The following CHKA variants were observed in gnomAD, a reference collection of about 807,000 sequenced individuals.
CHKA encodes CHETK-alpha.
CHKA carries 34 observed loss-of-function variants against 60.1 expected under a neutral mutation model. That is an observed-to-expected ratio of 0.57 (90% CI 0.43 to 0.75). CHKA has a LOEUF of 0.75. Among genes scored for constraint, CHKA ranks in the 30% least tolerant of loss-of-function variants. The pLI, the probability that CHKA is intolerant of heterozygous loss-of-function variation, is 0.00. For missense variants in CHKA, 563 were observed against 561.3 expected (o/e 1.00, Z -0.03); for synonymous variants, 217 against 223.1 (o/e 0.97, Z 0.24).
At chr11:68,079,800 G>A (rs1179769806) in intron 3 of CHKA, among the ~76,000 whole-genome samples, 4 of 152,210 alleles carry the variant, frequency 2.6e-5, no homozygotes. Context: ...CTAGCCAATG[G>A]CATTAGTTCC....
intron 1 of CHKA, among the ~76,000 whole-genome samples, chr11:68,098,271 C>CAAAAAAAAA (rs57972693): frequency 2.5e-5 from 3 of 120,732 alleles, no homozygotes; most frequent in Non-Finnish European, 5.1e-5. Flanking sequence ...ACTCCTATCT[C>CAAAAAAAAA]AAAAAAAAAA....
chr11:68,064,656 G>C, intron 9 of CHKA, 25 bp from the exon 10 acceptor site: 1 of 1,337,800 alleles, frequency 7.5e-7, no homozygotes, highest in South Asian at 1.3e-5. Flanking sequence ...ATTGTGTTAG[G>C]ATCAATGATG....
intron 1 of CHKA, among the ~76,000 whole-genome samples, chr11:68,111,761 G>A (rs769896047): frequency 2.0e-5 from 3 of 151,506 alleles, no homozygotes; most frequent in African/African-American, 4.8e-5. Flanking sequence ...TCAACAAATG[G>A]TCCTGGAACA....
rs2134520560 is a variant in CHKA at position 68,066,410 on chromosome 11, C to G, written c.1016+19G>C. 1 of 1,557,496 alleles carries G rather than the reference C, an allele frequency of 6.4e-7. No individual in the cohort carries two copies. Among genetic ancestry groups the G allele is most frequent in the East Asian group, 2.2e-5 (1 of 44,560 alleles). ...ATAAATCAATATTGAGATGGAAACA[C>G]TGGACTGTAACACAGTACCTGTAAT... On this transcript the variant is annotated intron_variant, in intron 8 of 11. Transcript: ENST00000265689.
In CHKA at chr11:68,065,909, A is replaced by T; in HGVS notation, c.1017-15T>A. Reference sequence around the variant, plus strand: ...TGTCGAATCCCCTGAAATAAGACATAAGACAGTGCACACAATGAGGCAAAC... The same window carrying T: ...TGTCGAATCCCCTGAAATAAGACATTAGACAGTGCACACAATGAGGCAAAC... On this transcript the variant is annotated splice_polypyrimidine_tract_variant and intron_variant, in intron 8 of 11. Coordinates refer to ENST00000265689, the MANE Select transcript of CHKA (RefSeq NM_001277.3). The T allele has an allele frequency of 3.2e-6, 5 of 1,558,868 alleles. No homozygotes were observed. The highest frequency in any genetic ancestry group is 4.4e-6 in the Non-Finnish European group (5 of 1,133,226).
chr11:68,076,996 G>C (rs567359297), intron 3 of CHKA, among the ~76,000 whole-genome samples: 29 of 152,250 alleles, frequency 1.9e-4, no homozygotes, highest in Admixed American at 1.3e-3. Flanking sequence ...CCAGCATTTC[G>C]GGAGGCTGAG....
intron 2 of CHKA, among the ~76,000 whole-genome samples, chr11:68,085,143 A>T (rs929165489): frequency 1.3e-5 from 2 of 152,174 alleles, no homozygotes; most frequent in East Asian, 3.8e-4. Flanking sequence ...CCTGTGATGT[A>T]GGAAACAAAT....
At chr11:68,079,259 C>G (rs796952938) in intron 3 of CHKA, among the ~76,000 whole-genome samples, 26 of 152,060 alleles carry the variant, frequency 1.7e-4, no homozygotes, top group African/African-American at 5.8e-4. Context: ...TGGTTTTGAC[C>G]ATTGCACTGT....
At chr11:68,068,389 T>C (rs965655830) in intron 7 of CHKA, among the ~76,000 whole-genome samples, 3 of 152,106 alleles carry the variant, frequency 2.0e-5, no homozygotes, top group Non-Finnish European at 4.4e-5. Flanking sequence ...TTCCCAAGTT[T>C]AGTGAATATT....
At chr11:68,079,781 G>A (rs1292343103) in intron 3 of CHKA, among the ~76,000 whole-genome samples, 1 of 152,234 alleles carries the variant, frequency 6.6e-6, no homozygotes, top group Non-Finnish European at 1.5e-5. Context: ...GACATCCGAG[G>A]AGAGACTGCT....
At chr11:68,120,516 G>A (rs1344930975) in intron 1 of CHKA, among the ~76,000 whole-genome samples, 1 of 152,254 alleles carries the variant, frequency 6.6e-6, no homozygotes, top group African/African-American at 2.4e-5. Context: ...TTAAGCGTCA[G>A]TACCACACGC....
chr11:68,088,075 T>G (rs1382103420), intron 2 of CHKA, among the ~76,000 whole-genome samples: 1 of 126,382 alleles, frequency 7.9e-6, no homozygotes, highest in Non-Finnish European at 1.6e-5. Flanking sequence ...ATCACGCCAT[T>G]GCACTCTAGC....
chr11:68,098,883 G>A (rs1027785315), intron 1 of CHKA, among the ~76,000 whole-genome samples: 1 of 31,324 alleles, frequency 3.2e-5, no homozygotes, highest in African/African-American at 9.8e-5. Flanking sequence ...TGGTAGAAAC[G>A]GAGTTTTGCC....
Position 68,103,181 on chromosome 11 carries a change from A to G in CHKA, c.351-6051T>C, listed in dbSNP as rs1275467739. Among the ~76,000 whole-genome samples the G allele has an allele frequency of 1.3e-5, 2 of 152,256 alleles. 1 individual carries two copies. Among genetic ancestry groups the G allele is most frequent in the East Asian group, 3.9e-4 (2 of 5,170 alleles). On this transcript the variant is annotated intron_variant, in intron 1 of 11. Coordinates refer to ENST00000265689, the MANE Select transcript of CHKA (RefSeq NM_001277.3). Reference sequence around the variant, plus strand: ...AAAGACCCAACAGACATTTATCAAAAGATGACAAATAAATGGCCAGAAAGC... The same window carrying G: ...AAAGACCCAACAGACATTTATCAAAGGATGACAAATAAATGGCCAGAAAGC...
Position 68,054,048 on chromosome 11 carries a change from C to T in CHKA, c.1315-1G>A, listed in dbSNP as rs1304841164. On this transcript the variant is annotated splice_acceptor_variant, in intron 11 of 11. Transcript: ENST00000265689. LOFTEE classifies it high-confidence loss of function. Reference sequence around the variant, plus strand: ...CATCAAACCTTGCTTGGGCGTAGTCCTAGGAGACAGCAAAGAGAAGGCCTC... The same window carrying T: ...CATCAAACCTTGCTTGGGCGTAGTCTTAGGAGACAGCAAAGAGAAGGCCTC... 1 of 1,612,194 alleles carries T rather than the reference C, an allele frequency of 6.2e-7. No individual in the cohort carries two copies. Among genetic ancestry groups the T allele is most frequent in the Non-Finnish European group, 8.5e-7 (1 of 1,179,060 alleles).
At chr11:68,076,375 A>G (rs1228686846) in intron 3 of CHKA, among the ~76,000 whole-genome samples, 1 of 152,190 alleles carries the variant, frequency 6.6e-6, no homozygotes, top group Non-Finnish European at 1.5e-5. Context: ...AAGGTTTCCA[A>G]GAACTTTTTA....
At chr11:68,112,986 G>A (rs745997487) in intron 1 of CHKA, among the ~76,000 whole-genome samples, 6 of 143,952 alleles carry the variant, frequency 4.2e-5, no homozygotes, top group Non-Finnish European at 7.5e-5. Flanking sequence ...GGAGGCTGAG[G>A]CAGGAAAATG....
chr11:68,062,794 C>G (rs1469191774), intron 10 of CHKA, among the ~76,000 whole-genome samples: 1 of 152,140 alleles, frequency 6.6e-6, no homozygotes, highest in Non-Finnish European at 1.5e-5. Context: ...TCCACCAGTT[C>G]AAGAAACAGA....
chr11:68,105,514 C>CAAAAAA (rs1170085830), intron 1 of CHKA, among the ~76,000 whole-genome samples: 28 of 64,934 alleles, frequency 4.3e-4, no homozygotes, highest in African/African-American at 5.3e-4. Flanking sequence ...GACTCCATCT[C>CAAAAAA]AAAAAAAAAA....
Sources: allele counts gnomAD v4.1 joint callset (sites outside exome capture counted in the v4.1 genomes callset), GRCh38; gene constraint gnomAD v4.1.1; transcripts MANE v1.5; gene names NCBI Gene and HGNC (gene_info 2026-07-23, HGNC 2026-07-21).